Variants in ELMO2 observed in about 807,000 individuals in gnomAD.
The protein encoded by ELMO2 is engulfment and cell motility 2.
Under a neutral mutation model 96.2 loss-of-function variants are expected in ELMO2, and 37 were observed. The ratio of observed to expected loss-of-function variants is 0.38; its 90% confidence interval spans 0.30 to 0.51. The LOEUF (loss-of-function observed/expected upper bound fraction) is 0.51. ELMO2 is among the 20% of genes least tolerant of loss of function. The pLI, the probability that ELMO2 is intolerant of heterozygous loss-of-function variation, is 0.88. For missense variants in ELMO2, 561 were observed against 912.6 expected (o/e 0.61, Z 4.96); for synonymous variants, 315 against 329.4 (o/e 0.96, Z 0.47).
At chr20:46,376,661 C>A in intron 11 of ELMO2, 1 of 1,289,592 alleles carries the variant, frequency 7.8e-7, no homozygotes, top group South Asian at 1.2e-5. Context: ...TCCTGCTTCC[C>A]TTCTTGCTCC....
At position 46,386,128 on chromosome 20, in the gene ELMO2, G is replaced by C; in HGVS notation, c.673C>G (p.Gln225Glu). The C allele has an allele frequency of 6.2e-7, 1 of 1,613,856 alleles. No homozygotes were observed. The highest frequency in any genetic ancestry group is 8.5e-7 in the Non-Finnish European group (1 of 1,179,784). The part of the protein sequence containing the change: ...ITVGQLISHL[Q>E]VSNQEIQTYA... ...GGTGTAGGGTTTTTTACTCACACCT[G>C]GAGGTGTGAGATGAGCTGTCCCACG... Residue 225 changes from glutamine to glutamate, a missense_variant, in exon 9 of 22, where the codon CAG (glutamine) becomes GAG (glutamate). Gln to Glu is a conservative substitution (Grantham distance 29, BLOSUM62 2). Coordinates refer to ENST00000290246, the MANE Select transcript of ELMO2 (RefSeq NM_133171.5).
rs2059603020 is a variant in ELMO2, at chr20:46,367,367, T to C, written c.2156A>G (p.Tyr719Cys). ...EPSSYDFVYHYG is the reference protein window; with the variant it reads ...EPSSYDFVYHCG ...TCGTTTCTGGCTCCAGGCTCAGCCA[T>C]AGTGATAGACAAAGTCATAGCTGCT... Residue 719 changes from tyrosine (Y) to cysteine (C), a missense_variant, in exon 22 of 22, where the codon TAT becomes TGT. Coordinates refer to ENST00000290246, the MANE Select transcript of ELMO2 (RefSeq NM_133171.5). 3 of 1,469,818 alleles carry C rather than the reference T, an allele frequency of 2.0e-6. No individual in the cohort carries two copies. Among genetic ancestry groups the C allele is most frequent in the Non-Finnish European group, 2.7e-6 (3 of 1,091,644 alleles). The allele number at this position is 1,469,818 out of a possible 1,614,324, so 91.0% of individuals were successfully genotyped here.
chr20:46,400,054 C>G (rs2060310539), intron 1 of ELMO2, among the ~76,000 whole-genome samples: 1 of 152,138 alleles, frequency 6.6e-6, no homozygotes, highest in Non-Finnish European at 1.5e-5. Context: ...AGGAGAGTTG[C>G]TTGAGCCCAG....
chr20:46,384,188 A>T (rs1295118806), intron 9 of ELMO2, among the ~76,000 whole-genome samples: 1 of 152,238 alleles, frequency 6.6e-6, no homozygotes, highest in African/African-American at 2.4e-5. Flanking sequence ...AGGTGAGATA[A>T]TGGGCAAATA....
intron 2 of ELMO2, among the ~76,000 whole-genome samples, chr20:46,395,938 T>C (rs2060236981): frequency 6.6e-6 from 1 of 152,254 alleles, no homozygotes; most frequent in African/African-American, 2.4e-5. Context: ...GTGCCCAAGG[T>C]CACCCAGCTA....
At chr20:46,378,860 A>G (rs59185309) in intron 11 of ELMO2, among the ~76,000 whole-genome samples, 4,029 of 152,338 alleles carry the variant, frequency 0.026, 181 homozygotes, top group African/African-American at 0.092. Flanking sequence ...GAAATGCTCA[A>G]GATCAAAGAT....
intron 13 of ELMO2, 30 bp from the exon 14 acceptor site, chr20:46,374,670 T>TG: frequency 6.2e-7 from 1 of 1,604,600 alleles, no homozygotes; most frequent in Middle Eastern, 1.7e-4. Context: ...CAATTTGAGA[T>TG]GCGGCAGTCT....
intron 9 of ELMO2, among the ~76,000 whole-genome samples, chr20:46,384,506 C>T (rs1278727587): frequency 2.0e-5 from 3 of 151,934 alleles, no homozygotes; most frequent in Non-Finnish European, 2.9e-5. Context: ...CCATGTTCCC[C>T]TATCATCCCT....
rs145486144 is a variant in ELMO2, at chr20:46,400,619, A to G, written c.-125-1848T>C. On this transcript the variant is annotated intron_variant, in intron 1 of 21. Transcript: ENST00000290246. Reference sequence around the variant, plus strand: ...CCTTCCACTCCTCTTTAAGCATTACAGATATAAGGATGATTTGGAAAACTC... The same window carrying G: ...CCTTCCACTCCTCTTTAAGCATTACGGATATAAGGATGATTTGGAAAACTC... Among the ~76,000 whole-genome samples the G allele has an allele frequency of 2.5e-3, 384 of 152,354 alleles. 8 individuals are homozygous for G. The East Asian group carries it at 0.056, about 22-fold the overall frequency.
At chr20:46,368,134 G>A (rs1165735137) in intron 21 of ELMO2, among the ~76,000 whole-genome samples, 10 of 151,988 alleles carry the variant, frequency 6.6e-5, no homozygotes, top group South Asian at 2.1e-4. Flanking sequence ...TTTCCACACC[G>A]TTGCTCACCT....
chr20:46,393,436 C>G, intron 5 of ELMO2, 93 bp downstream of exon 5: 1 of 1,369,858 alleles, frequency 7.3e-7, no homozygotes, highest in Admixed American at 1.8e-5. Flanking sequence ...ATGGAAGCTA[C>G]CTGGATGCTG....
intron 7 of ELMO2, among the ~76,000 whole-genome samples, chr20:46,388,834 G>A (rs2060096542): frequency 6.6e-6 from 1 of 152,114 alleles, no homozygotes; most frequent in Admixed American, 6.5e-5. Context: ...TATTTAATTT[G>A]TGAGAGCCCA....
intron 8 of ELMO2, among the ~76,000 whole-genome samples, 169 bp downstream of exon 8, chr20:46,387,169 T>C (rs73296077): frequency 0.017 from 2,622 of 152,102 alleles, 65 homozygotes; most frequent in African/African-American, 0.06. Context: ...TATAACAAAA[T>C]GCAAATCTTT....
intron 11 of ELMO2, chr20:46,376,935 T>C (rs923123717): frequency 3.2e-6 from 2 of 634,528 alleles, no homozygotes; most frequent in Admixed American, 3.6e-5. Flanking sequence ...ACATTTTAAG[T>C]GCTTAGTAGT....
chr20:46,389,353 T>C, intron 6 of ELMO2, 133 bp from the exon 7 acceptor site: 3 of 855,724 alleles, frequency 3.5e-6, no homozygotes, highest in Non-Finnish European at 5.4e-6. Flanking sequence ...AGCTTAGGAG[T>C]TGCTAAATAA....
At chr20:46,370,894 T>C (rs1248530239) in intron 19 of ELMO2, among the ~76,000 whole-genome samples, 1 of 152,222 alleles carries the variant, frequency 6.6e-6, no homozygotes, top group Non-Finnish European at 1.5e-5. Flanking sequence ...ACAGTTATGC[T>C]GACTACCTGC....
chr20:46,374,459 G>C lies in ELMO2; in HGVS notation c.1171-19C>G. ...AGACAATCTGTCGGGGGAAGAGAAAGGGAGGATTAGGGAGATGAAGGAGGA... is the reference window on the plus strand; with the variant it reads ...AGACAATCTGTCGGGGGAAGAGAAACGGAGGATTAGGGAGATGAAGGAGGA... On this transcript the variant is annotated intron_variant, in intron 14 of 21. Transcript: ENST00000290246. 4 of 1,613,080 alleles carry C rather than the reference G, an allele frequency of 2.5e-6. No individual in the cohort carries two copies. The highest frequency in any genetic ancestry group is 3.4e-6 in the Non-Finnish European group (4 of 1,179,048).
intron 20 of ELMO2, chr20:46,370,160 G>C (rs1389256804): frequency 3.6e-6 from 2 of 558,968 alleles, no homozygotes; most frequent in African/African-American, 3.8e-5. Flanking sequence ...TACACTATAC[G>C]ATGTACACTA....
intron 11 of ELMO2, among the ~76,000 whole-genome samples, chr20:46,379,199 G>C (rs1453859302): frequency 6.6e-6 from 1 of 151,876 alleles, no homozygotes; most frequent in African/African-American, 2.4e-5. Context: ...TCACCATGTC[G>C]GTCAGGCTGG....
Sources: allele counts gnomAD v4.1 joint callset (sites outside exome capture counted in the v4.1 genomes callset), GRCh38; gene constraint gnomAD v4.1.1; transcripts MANE v1.5; gene names NCBI Gene and HGNC (gene_info 2026-07-23, HGNC 2026-07-21).